Variants in FAR2 observed in about 807,000 individuals in gnomAD.
The protein encoded by FAR2 is epididymis secretory protein Li 81.
A neutral mutation model predicts 56.0 loss-of-function variants in FAR2; 19 were observed. The ratio of observed to expected loss-of-function variants is 0.34; its 90% confidence interval spans 0.24 to 0.50. The LOEUF is 0.50. Among genes scored for constraint, FAR2 ranks in the 20% least tolerant of loss-of-function variants. The pLI is 0.98. For missense variants in FAR2, 508 were observed against 642.2 expected (o/e 0.79, Z 2.26); for synonymous variants, 219 against 218.8 (o/e 1.00, Z -0.01).
intron 2 of FAR2, among the ~76,000 whole-genome samples, chr12:29,286,496 T>A (rs1208005265): frequency 6.6e-6 from 1 of 152,222 alleles, no homozygotes; most frequent in Non-Finnish European, 1.5e-5. Flanking sequence ...CTAGCATGGA[T>A]AATGCAGAGA....
chr12:29,302,650 G>A (rs992522961), intron 4 of FAR2, among the ~76,000 whole-genome samples: 12 of 152,046 alleles, frequency 7.9e-5, no homozygotes, highest in Admixed American at 2.6e-4. Flanking sequence ...TTGAAGGAGG[G>A]CCATGTGTGC....
intron 1 of FAR2, among the ~76,000 whole-genome samples, chr12:29,210,113 T>G (rs1200488669): frequency 6.6e-6 from 1 of 151,884 alleles, no homozygotes; most frequent in Non-Finnish European, 1.5e-5. Context: ...AGGCTGAAAG[T>G]GGGAAGATCA....
At chr12:29,276,524 A>G (rs1032418646) in intron 2 of FAR2, among the ~76,000 whole-genome samples, 1 of 152,182 alleles carries the variant, frequency 6.6e-6, no homozygotes, top group Non-Finnish European at 1.5e-5. Flanking sequence ...GATACCTGTA[A>G]AGAGATTTTC....
At chr12:29,209,196 C>G (rs1384822635) in intron 1 of FAR2, among the ~76,000 whole-genome samples, 2 of 152,012 alleles carry the variant, frequency 1.3e-5, no homozygotes, top group Non-Finnish European at 2.9e-5. Flanking sequence ...GGTGAGAGAT[C>G]ATATACTTTA....
At chr12:29,198,777 C>T (rs1947367875) in intron 1 of FAR2, among the ~76,000 whole-genome samples, 1 of 152,160 alleles carries the variant, frequency 6.6e-6, no homozygotes, top group South Asian at 2.1e-4. Context: ...AAGATACTTT[C>T]TGCGTCATAA....
intron 1 of FAR2, among the ~76,000 whole-genome samples, chr12:29,180,164 G>A (rs1949978812): frequency 6.6e-6 from 1 of 152,106 alleles, no homozygotes; most frequent in Non-Finnish European, 1.5e-5. Flanking sequence ...GGTGTGATGT[G>A]TGGAGCTAAT....
chr12:29,216,259 G>C (rs1234827181), intron 1 of FAR2, among the ~76,000 whole-genome samples: 1 of 152,190 alleles, frequency 6.6e-6, no homozygotes, highest in Non-Finnish European at 1.5e-5. Context: ...CTGTCCTTCA[G>C]CAGTCTTATT....
intron 3 of FAR2, among the ~76,000 whole-genome samples, chr12:29,296,558 T>C (rs1251223787): frequency 1.3e-5 from 2 of 152,224 alleles, no homozygotes; most frequent in Non-Finnish European, 2.9e-5. Context: ...ATTTTAGATT[T>C]TGACATCAAT....
intron 1 of FAR2, among the ~76,000 whole-genome samples, chr12:29,201,455 A>AT (rs1418735716): frequency 2.0e-5 from 3 of 152,164 alleles, no homozygotes; most frequent in Admixed American, 6.5e-5. Context: ...TACCAGCCTG[A>AT]TTTCAGACAG....
At chr12:29,258,416 A>AT (rs1313326661) in intron 1 of FAR2, among the ~76,000 whole-genome samples, 2 of 152,222 alleles carry the variant, frequency 1.3e-5, no homozygotes, top group Non-Finnish European at 2.9e-5. Context: ...ATATGTATAA[A>AT]TTTTTTTCAT....
chr12:29,326,603 A>C (rs36161879), intron 10 of FAR2, among the ~76,000 whole-genome samples: 1 of 152,220 alleles, frequency 6.6e-6, no homozygotes, highest in Admixed American at 6.5e-5. Context: ...TCAACATATG[A>C]AAATCAATAA....
At chr12:29,186,762 ATTTATTTAT>A (rs1950046586) in intron 1 of FAR2, among the ~76,000 whole-genome samples, 4 of 137,390 alleles carry the variant, frequency 2.9e-5, no homozygotes, top group African/African-American at 9.5e-5. Context: ...TTTATTATTT[ATTTATTTAT>A]TTATTTATTT....
chr12:29,268,420 G>A (rs1029479609), intron 1 of FAR2, among the ~76,000 whole-genome samples: 7 of 152,222 alleles, frequency 4.6e-5, no homozygotes, highest in Admixed American at 6.5e-5. Context: ...TTCATGGTGC[G>A]TTTCTGCAGC....
intron 1 of FAR2, among the ~76,000 whole-genome samples, chr12:29,211,759 G>T (rs895451356): frequency 2.0e-5 from 3 of 151,770 alleles, no homozygotes; most frequent in Admixed American, 6.6e-5. Flanking sequence ...AATTCATATG[G>T]TGAAGTCTTA....
chr12:29,269,206 TG>T (rs991395418), intron 1 of FAR2, among the ~76,000 whole-genome samples: 3 of 151,948 alleles, frequency 2.0e-5, no homozygotes, highest in African/African-American at 4.8e-5. Context: ...AGGTGCACCT[TG>T]GGGGGGCCGT....
chr12:29,274,793 C>A (rs1380923412), intron 2 of FAR2, among the ~76,000 whole-genome samples: 1 of 150,944 alleles, frequency 6.6e-6, no homozygotes, highest in East Asian at 2.0e-4. Flanking sequence ...AGAACAATCC[C>A]CCTTTTTCCT....
chr12:29,285,453 T>A (rs1012183229), intron 2 of FAR2, among the ~76,000 whole-genome samples: 19 of 152,066 alleles, frequency 1.2e-4, no homozygotes, highest in Middle Eastern at 3.4e-3. Context: ...GTGTAAGCAG[T>A]TTTCAGTTTT....
intron 1 of FAR2, among the ~76,000 whole-genome samples, chr12:29,154,001 G>T (rs1298055100): frequency 6.6e-6 from 1 of 152,132 alleles, no homozygotes; most frequent in Non-Finnish European, 1.5e-5. Context: ...GTGAGAGAAA[G>T]GAGGGAGGAG....
intron 2 of FAR2, among the ~76,000 whole-genome samples, chr12:29,292,497 T>C (rs1306517557): frequency 1.3e-5 from 2 of 152,194 alleles, no homozygotes; most frequent in African/African-American, 4.8e-5. Context: ...AGGGAAAACA[T>C]CTGACTCTAG....
Sources: gnomAD v4.1 joint callset for allele counts (sites outside exome capture counted in the v4.1 genomes callset) on GRCh38, gnomAD v4.1.1 for gene constraint, MANE v1.5 for transcripts, NCBI Gene and HGNC (gene_info 2026-07-23, HGNC 2026-07-21) for gene names.